Variants in TSPAN17 observed in about 807,000 individuals in gnomAD.
TSPAN17 encodes tetraspanin 17.
A neutral mutation model predicts 40.5 loss-of-function variants in TSPAN17; 33 were observed. That is an observed-to-expected ratio of 0.81 (90% confidence interval 0.62 to 1.09). The LOEUF (loss-of-function observed/expected upper bound fraction) is 1.09, where lower values mean the gene tolerates loss of function less well. TSPAN17 is among the 50% of genes least tolerant of loss of function. The pLI, the probability that TSPAN17 is intolerant of heterozygous loss-of-function variation, is 0.00. For synonymous variants in TSPAN17, 166 were observed against 169.4 expected (o/e 0.98, Z 0.15); for missense variants, 365 against 416.8 (o/e 0.88, Z 1.08).
intron 6 of TSPAN17, among the ~76,000 whole-genome samples, chr5:176,656,474 G>C (rs1028151336): frequency 3.9e-5 from 6 of 152,150 alleles, no homozygotes; most frequent in Non-Finnish European, 8.8e-5. Context: ...TCTCAGCTGA[G>C]AGCTTGGAAG....
At chr5:176,657,399 C>A in intron 8 of TSPAN17, 119 bp from the exon 9 acceptor site, 2 of 1,501,152 alleles carry the variant, frequency 1.3e-6, no homozygotes, top group Admixed American at 4.3e-5. Flanking sequence ...CCTCACACAG[C>A]TTCAGAGCAC....
At position 176,650,088 on chromosome 5, in the gene TSPAN17, C is replaced by G. The variant is rs1310749833; in HGVS notation, c.88-1528C>G. 6.6e-6 allele frequency among the ~76,000 whole-genome samples: 1 copy of G among 152,160 alleles called. No individual in the cohort carries two copies. The highest frequency in any genetic ancestry group is 1.5e-5 in the Non-Finnish European group (1 of 68,032). On this transcript the variant is annotated intron_variant, in intron 1 of 8. Transcript: ENST00000508164. The surrounding 1 kb of genome is among the most constrained non-coding windows in gnomAD (Gnocchi z 4.0). ...GCTGGAGTGTAAGCTCCGTGAGGGT[C>G]GAGTCCGTCCTATTCACCAGCGAAT... is the stretch of plus-strand genomic sequence containing the variant.
In TSPAN17 at chr5:176,658,621, TGGG is replaced by T. The variant is rs937018685; in HGVS notation, c.*928_*930del. ...TGAGACCAAGAGAGTGCGGTGGGGA[TGGG>T]GGGGAGAGCACGGGTCCCCGTCTGA... is the stretch of plus-strand genomic sequence containing the variant. On this transcript the variant is annotated 3_prime_UTR_variant, in exon 9 of 9. Transcript: ENST00000508164. The T allele has an allele frequency of 6.6e-6, 1 of 152,052 alleles. No individual in the cohort carries two copies. The highest frequency in any genetic ancestry group is 1.5e-5 in the Non-Finnish European group (1 of 68,024). The allele number at this position is 152,052 out of a possible 1,614,324, so 9.4% of individuals were successfully genotyped here.
Position 176,657,539 on chromosome 5 carries a change from T to C in TSPAN17, c.831T>C (p.Phe277=). 6.2e-7 allele frequency: 1 copy of C among 1,601,394 alleles called. No individual in the cohort carries two copies. Among genetic ancestry groups the C allele is most frequent in the South Asian group, 1.1e-5 (1 of 89,604 alleles). The change falls in exon 9 of 9, where the codon TTT becomes TTC. Residue 277 remains phenylalanine, a synonymous_variant. Coordinates refer to ENST00000508164, the MANE Select transcript of TSPAN17 (RefSeq NM_130465.5). ...TCAGGAGCAAATGGAATGATGACTT[T>C]GAAAACCACTGGCTTACGCCCACCA... The part of the protein sequence containing the change: ...KANWSKWNDD[F]ENHWLTPTIS...
intron 8 of TSPAN17, 99 bp from the exon 9 acceptor site, chr5:176,657,419 T>G: frequency 4.8e-4 from 736 of 1,518,426 alleles, no homozygotes; most frequent in Non-Finnish European, 5.9e-4. Context: ...CTCTTTTCTA[T>G]GAGCTGTAAC....
chr5:176,648,384 TGCCCCTACC>T lies in TSPAN17; in HGVS notation c.87+684_87+692del, dbSNP rs1050395248. On this transcript the variant is annotated intron_variant, in intron 1 of 8. Transcript: ENST00000508164. ...ACAAGCTGAGGCTCCTGGGCGGGTC[TGCCCCTACC>T]GGGGAAGGGAGCTACTAGTGCCCCT... Among the ~76,000 whole-genome samples the T allele has an allele frequency of 5.9e-3, 895 of 152,332 alleles. 12 individuals are homozygous for T. The highest frequency in any genetic ancestry group is 0.021 in the African/African-American group (855 of 41,586).
At chr5:176,649,437 T>C (rs1581191956) in intron 1 of TSPAN17, among the ~76,000 whole-genome samples, 1 of 151,790 alleles carries the variant, frequency 6.6e-6, no homozygotes, top group Non-Finnish European at 1.5e-5. Flanking sequence ...TTTTTCTTTT[T>C]TTTTTTTGAG....
At position 176,654,772 on chromosome 5, in the gene TSPAN17, C is replaced by A; in HGVS notation, c.457-123C>A. 7.7e-7 allele frequency: 1 copy of A among 1,301,118 alleles called. No homozygotes were observed. The highest frequency in any genetic ancestry group is 1.0e-6 in the Non-Finnish European group (1 of 955,914). The allele number at this position is 1,301,118 out of a possible 1,614,324, so 80.6% of individuals were successfully genotyped here. On this transcript the variant is annotated intron_variant, in intron 4 of 8. Transcript: ENST00000508164. This position sits in a 1 kb window ranked among gnomAD's most constrained non-coding sequence, Gnocchi z 4.3. ...CTGTGGGGGTGGGGAGGTGGCCACCCACTTGGCTGTCCCAGCCCTGTCCCA... is the reference window on the plus strand; with the variant it reads ...CTGTGGGGGTGGGGAGGTGGCCACCAACTTGGCTGTCCCAGCCCTGTCCCA...
Position 176,657,621 on chromosome 5 carries a change from G to A in TSPAN17, c.913G>A (p.Gly305Ser). ...GCAGAACTCTCTGACTGGGGCCCCT[G>A]GCCCGGCCCCACCCAGCCGACATGT... ...PQQNSLTGAPGPAPPSRHVFF... is the reference protein window; with the variant it reads ...PQQNSLTGAPSPAPPSRHVFF... The change falls in exon 9 of 9, where the codon GGC (glycine) becomes AGC (serine). Residue 305 changes from glycine (G) to serine (S), a missense_variant. Transcript: ENST00000508164. 2 of 1,613,556 alleles carry A rather than the reference G, an allele frequency of 1.2e-6. No homozygotes were observed. Among genetic ancestry groups the A allele is most frequent in the Non-Finnish European group, 1.7e-6 (2 of 1,179,888 alleles).
intron 6 of TSPAN17, 119 bp downstream of exon 6, chr5:176,656,244 C>A: frequency 9.0e-7 from 1 of 1,107,242 alleles, no homozygotes; most frequent in Non-Finnish European, 1.3e-6. Flanking sequence ...GTGCTGAGTC[C>A]CAGGAACCAG....
In TSPAN17 at chr5:176,651,658, G is replaced by T; in HGVS notation, c.130G>T (p.Gly44Cys). 6.2e-7 allele frequency: 1 copy of T among 1,614,036 alleles called. No homozygotes were observed. Among genetic ancestry groups the T allele is most frequent in the Non-Finnish European group, 8.5e-7 (1 of 1,179,920 alleles). The change falls in exon 2 of 9, where the codon GGT (glycine) becomes TGT (cysteine). Residue 44 changes from glycine to cysteine, a missense_variant. Physicochemically the swap from Gly to Cys is radical, Grantham distance 159. Transcript: ENST00000508164. The surrounding 1 kb of genome is among the most constrained non-coding windows in gnomAD (Gnocchi z 4.5). ...CCTGGCTATCGGCCTCTGGGCCTGG[G>T]GTGAGAAGGTAAGGCAGCGGGCGGG... ...LFLAIGLWAW[G>C]EKGVLSNISA...
At position 176,651,306 on chromosome 5, in the gene TSPAN17, C is replaced by T. The variant is rs567920374; in HGVS notation, c.88-310C>T. On this transcript the variant is annotated intron_variant, in intron 1 of 8. Transcript: ENST00000508164. This position sits in a 1 kb window ranked among gnomAD's most constrained non-coding sequence, Gnocchi z 4.5. The stretch of plus-strand genomic sequence containing the variant: ...AGTATACTGGCGCCGTCGCTACCCC[C>T]GCTGACACAGCTGCTATTGCTCCTT... Among the ~76,000 whole-genome samples the T allele has an allele frequency of 2.4e-4, 36 of 152,290 alleles. No individual in the cohort carries two copies. In the South Asian group the frequency reaches 6.4e-3, roughly 27 times the overall value.
Position 176,656,883 on chromosome 5 carries a change from T to G in TSPAN17, c.748-12T>G. ...GCCCTCACTCTCCCCTCACCTGTCC[T>G]CTGTCTTACAGATCTTTGGCATCTG... On this transcript the variant is annotated splice_polypyrimidine_tract_variant and intron_variant, in intron 7 of 8. Coordinates refer to ENST00000508164, the MANE Select transcript of TSPAN17 (RefSeq NM_130465.5). 6.2e-7 allele frequency: 1 copy of G among 1,614,196 alleles called. No homozygotes were observed. The highest frequency in any genetic ancestry group is 8.5e-7 in the Non-Finnish European group (1 of 1,180,036).
At chr5:176,657,047 A>G in intron 8 of TSPAN17, 91 bp downstream of exon 8, 3 of 1,315,728 alleles carry the variant, frequency 2.3e-6, no homozygotes, top group East Asian at 4.8e-5. Context: ...CCTGACGGGC[A>G]AGGCTGCAGG....
At position 176,647,531 on chromosome 5, in the gene TSPAN17, CGGGCGGCTCTAGCCCA is replaced by C. The variant is rs1297803064; in HGVS notation, c.-77_-62del. On this transcript the variant is annotated 5_prime_UTR_variant, in exon 1 of 9. Transcript: ENST00000508164. ...AAGCCGCAGCCGCCCGGCTAGGCCC[CGGGCGGCTCTAGCCCA>C]GGGCGGCCCGCGGGGCGCTGGGCCT... 5 of 1,119,048 alleles carry C rather than the reference CGGGCGGCTCTAGCCCA, an allele frequency of 4.5e-6. No individual in the cohort carries two copies. The East Asian group carries it at 1.6e-4, about 36-fold the overall frequency. The allele number at this position is 1,119,048 out of a possible 1,614,324, so 69.3% of individuals were successfully genotyped here. A position where few individuals can be genotyped will look rare whatever the true frequency, so the allele number is the denominator to read the frequency against.
rs778357815 is a variant in TSPAN17, at chr5:176,654,880, C to T, written c.457-15C>T. ...ATGGGCCTGGCTCACCTGGGGCTCT[C>T]CCCTGCCCCCACAGTGGTCTTGCTG... On this transcript the variant is annotated splice_polypyrimidine_tract_variant and intron_variant, in intron 4 of 8. Coordinates refer to ENST00000508164, the MANE Select transcript of TSPAN17 (RefSeq NM_130465.5). The surrounding 1 kb of genome is among the most constrained non-coding windows in gnomAD (Gnocchi z 4.3). 5 of 1,612,886 alleles carry T rather than the reference C, an allele frequency of 3.1e-6. No homozygotes were observed. The highest frequency in any genetic ancestry group is 3.3e-5 in the Admixed American group (2 of 59,910).
Position 176,647,622 on chromosome 5 carries a change from G to C in TSPAN17, c.7G>C (p.Gly3Arg). Residue 3 changes from glycine to arginine, a missense_variant, in exon 1 of 9, where the codon GGC (glycine) becomes CGC (arginine). Transcript: ENST00000508164. ...CGGCGGGTGGCCGCTCACCATGCCC[G>C]GCAAGCACCAGCATTTCCAGGAACC... MPGKHQHFQEPEV... is the reference protein window; with the variant it reads MPRKHQHFQEPEV... The C allele has an allele frequency of 6.3e-7, 1 of 1,575,130 alleles. No homozygotes were observed. Among genetic ancestry groups the C allele is most frequent in the Non-Finnish European group, 8.6e-7 (1 of 1,162,856 alleles).
In TSPAN17 at chr5:176,647,601, G is replaced by A. The variant is rs1451941102; in HGVS notation, c.-15G>A. ...TCCCGGCTCCGGTTTCCGGGCCGGC[G>A]GGTGGCCGCTCACCATGCCCGGCAA... On this transcript the variant is annotated 5_prime_UTR_variant, in exon 1 of 9. Transcript: ENST00000508164. 3 of 1,558,416 alleles carry A rather than the reference G, an allele frequency of 1.9e-6. No individual in the cohort carries two copies. The highest frequency in any genetic ancestry group is 1.9e-5 in the Admixed American group (1 of 51,902).
chr5:176,649,323 T>C (rs1285601719), intron 1 of TSPAN17, among the ~76,000 whole-genome samples: 1 of 152,140 alleles, frequency 6.6e-6, no homozygotes, highest in Non-Finnish European at 1.5e-5. Context: ...TAAGGTGGCC[T>C]AAGGGAGGCT....
Sources: allele counts gnomAD v4.1 joint callset (sites outside exome capture counted in the v4.1 genomes callset), GRCh38; gene constraint gnomAD v4.1.1; non-coding constraint Gnocchi (gnomAD v3.1); transcripts MANE v1.5; gene names NCBI Gene and HGNC (gene_info 2026-07-23, HGNC 2026-07-21).